LRFN2: variants seen among roughly 807,000 people sequenced by gnomAD.
The protein encoded by LRFN2 is leucine-rich repeat and fibronectin type-III domain-containing protein 2.
A neutral mutation model predicts 37.3 loss-of-function variants in LRFN2; 18 were observed. That is an observed-to-expected ratio of 0.48 (90% CI 0.33 to 0.72). The LOEUF (loss-of-function observed/expected upper bound fraction) is 0.72. Ranked by LOEUF, LRFN2 falls within the 30% of genes least tolerant of loss-of-function variation. The pLI is 0.02. For missense variants in LRFN2, 1,006 were observed against 1,060.7 expected (o/e 0.95, Z 0.72); for synonymous variants, 556 against 466.6 (o/e 1.19, Z -2.47).
chr6:40,391,911 G>C lies in LRFN2; in HGVS notation c.*32C>G, dbSNP rs745959282. 3.3e-6 allele frequency: 5 copies of C among 1,496,304 alleles called. No homozygotes were observed. The highest frequency in any genetic ancestry group is 2.8e-5 in the African/African-American group (2 of 70,276). The allele number at this position is 1,496,304 out of a possible 1,614,324, so 92.7% of individuals were successfully genotyped here. On this transcript the variant is annotated 3_prime_UTR_variant, in exon 3 of 3. Transcript: ENST00000338305. ...AGATTCTTTCCCCTTCTCCCACCCTGCGCACAGGAAAGGGAGCATGCCCAC... is the reference window on the plus strand; with the variant it reads ...AGATTCTTTCCCCTTCTCCCACCCTCCGCACAGGAAAGGGAGCATGCCCAC...
chr6:40,457,724 G>A (rs1335221508), intron 1 of LRFN2, among the ~76,000 whole-genome samples: 2 of 151,804 alleles, frequency 1.3e-5, no homozygotes, highest in Non-Finnish European at 2.9e-5. Flanking sequence ...TTTACCATGG[G>A]ATCTTGTGCA....
intron 1 of LRFN2, among the ~76,000 whole-genome samples, chr6:40,545,481 C>G (rs1039768389): frequency 6.6e-6 from 1 of 152,206 alleles, no homozygotes; most frequent in Admixed American, 6.5e-5. Flanking sequence ...GTATTCCCCT[C>G]TCTCTCATGT....
rs1256722715 is a variant in LRFN2, at chr6:40,580,318, C to T, written c.-19+6623G>A. On this transcript the variant is annotated intron_variant, in intron 1 of 2. Transcript: ENST00000338305. The stretch of plus-strand genomic sequence containing the variant: ...AGACTGAGAGCCAGGAAGGAAGACA[C>T]GATCACCAAGAAGCGGCTGGAGTAT... Among the ~76,000 whole-genome samples the T allele has an allele frequency of 3.3e-5, 5 of 152,154 alleles. No homozygotes were observed. The East Asian group carries it at 5.8e-4, about 18-fold the overall frequency.
chr6:40,520,267 G>A (rs1048651948), intron 1 of LRFN2, among the ~76,000 whole-genome samples: 39 of 152,154 alleles, frequency 2.6e-4, no homozygotes, highest in Non-Finnish European at 2.6e-4. Context: ...CAGTGATGAA[G>A]GGGTGGAGGA....
intron 1 of LRFN2, among the ~76,000 whole-genome samples, chr6:40,440,513 A>G (rs910560852): frequency 1.1e-4 from 17 of 152,310 alleles, no homozygotes; most frequent in African/African-American, 2.9e-4. Context: ...TGAATGAATG[A>G]ATGGATGCTC....
intron 1 of LRFN2, among the ~76,000 whole-genome samples, chr6:40,517,874 G>A (rs981374221): frequency 1.3e-5 from 2 of 152,242 alleles, no homozygotes; most frequent in South Asian, 2.1e-4. Flanking sequence ...TGACAACAGA[G>A]ACTGAATCAC....
At chr6:40,437,503 T>G (rs1561855584) in intron 1 of LRFN2, among the ~76,000 whole-genome samples, 1 of 152,144 alleles carries the variant, frequency 6.6e-6, no homozygotes, top group Non-Finnish European at 1.5e-5. Flanking sequence ...TTGAAAAAAG[T>G]TTGTGGAGGA....
Position 40,501,357 on chromosome 6 carries a change from G to A in LRFN2, c.-18-68226C>T, listed in dbSNP as rs532280212. ...TTTTTTTAAGACAGGGTCTCACTCT[G>A]TCACCCAGGCTGGAGTGCAGTGGCA... On this transcript the variant is annotated intron_variant, in intron 1 of 2. Coordinates refer to ENST00000338305, the MANE Select transcript of LRFN2 (RefSeq NM_020737.3). Among the ~76,000 whole-genome samples, 4 of 152,008 alleles carry A rather than the reference G, an allele frequency of 2.6e-5. No homozygotes were observed. The South Asian group carries it at 8.3e-4, about 32-fold the overall frequency.
intron 2 of LRFN2, among the ~76,000 whole-genome samples, chr6:40,421,809 T>C (rs1763234550): frequency 6.6e-6 from 1 of 152,196 alleles, no homozygotes; most frequent in Admixed American, 6.5e-5. Context: ...ATTTTTGGTT[T>C]TCAGAATGAC....
In LRFN2 at chr6:40,432,271, C is replaced by T. The variant is rs1393999278; in HGVS notation, c.843G>A (p.Glu281=). ...GAGGCGGCTCGCACACAAACTCCTC[C>T]TCACGCACATGCCAGAAGTAGCGAC... ...LKGRYFWHVR[E]EEFVCEPPLI... The change falls in exon 2 of 3, where the codon GAG becomes GAA. Residue 281 remains glutamate, a synonymous_variant. Transcript: ENST00000338305. 1.9e-6 allele frequency: 3 copies of T among 1,614,062 alleles called. No homozygotes were observed. Among genetic ancestry groups the T allele is most frequent in the Admixed American group, 1.7e-5 (1 of 60,030 alleles).
At chr6:40,576,110 T>G (rs547654536) in intron 1 of LRFN2, among the ~76,000 whole-genome samples, 2 of 152,312 alleles carry the variant, frequency 1.3e-5, no homozygotes, top group Non-Finnish European at 2.9e-5. Flanking sequence ...GAGACAAGTC[T>G]GCTTGCCCTA....
intron 1 of LRFN2, among the ~76,000 whole-genome samples, chr6:40,584,173 C>A (rs1341045381): frequency 2.0e-5 from 3 of 152,180 alleles, no homozygotes; most frequent in Non-Finnish European, 4.4e-5. Context: ...GTTGGCTGTA[C>A]TATCCTCCAT....
At chr6:40,493,552 C>G (rs1765146324) in intron 1 of LRFN2, among the ~76,000 whole-genome samples, 1 of 152,192 alleles carries the variant, frequency 6.6e-6, no homozygotes, top group Non-Finnish European at 1.5e-5. Context: ...AGCACCCACA[C>G]TACAATGGAT....
At chr6:40,407,196 G>A (rs540287751) in intron 2 of LRFN2, among the ~76,000 whole-genome samples, 1 of 152,346 alleles carries the variant, frequency 6.6e-6, no homozygotes, top group South Asian at 2.1e-4. Flanking sequence ...TTCTGTGTAT[G>A]TGTGTGTGTC....
intron 1 of LRFN2, among the ~76,000 whole-genome samples, chr6:40,580,897 G>A (rs1767384978): frequency 6.6e-6 from 1 of 152,190 alleles, no homozygotes; most frequent in Admixed American, 6.5e-5. Flanking sequence ...ATATGTATGT[G>A]AACGTATGTG....
chr6:40,537,818 G>T (rs374506395), intron 1 of LRFN2, among the ~76,000 whole-genome samples: 1 of 152,140 alleles, frequency 6.6e-6, no homozygotes, highest in African/African-American at 2.4e-5. Context: ...AGGGTGGAGG[G>T]AGGGGACATA....
chr6:40,511,889 G>GT (rs2113887700), intron 1 of LRFN2, among the ~76,000 whole-genome samples: 1 of 152,300 alleles, frequency 6.6e-6, no homozygotes, highest in East Asian at 1.9e-4. Context: ...TCAATTAATT[G>GT]TAACTCTCTT....
intron 1 of LRFN2, among the ~76,000 whole-genome samples, chr6:40,573,388 G>A (rs1240191027): frequency 6.6e-6 from 1 of 152,248 alleles, no homozygotes; most frequent in Non-Finnish European, 1.5e-5. Flanking sequence ...TTAGCTAGGT[G>A]ACCCAGGGTG....
intron 1 of LRFN2, among the ~76,000 whole-genome samples, chr6:40,449,622 A>G (rs1182885487): frequency 6.6e-6 from 1 of 152,196 alleles, no homozygotes; most frequent in Non-Finnish European, 1.5e-5. Context: ...AGATGGAAGG[A>G]ACCTGGGTAT....
Sources: allele counts gnomAD v4.1 joint callset (sites outside exome capture counted in the v4.1 genomes callset), GRCh38; gene constraint gnomAD v4.1.1; transcripts MANE v1.5; gene names NCBI Gene and HGNC (gene_info 2026-07-23, HGNC 2026-07-21).